The following DLG2 variants were observed in gnomAD, a reference collection of about 807,000 sequenced individuals.
The protein encoded by DLG2 is discs large MAGUK scaffold protein 2, also known as disks large homolog 2.
In DLG2, 45 loss-of-function variants were observed where a neutral mutation model predicts 132.5. The ratio of observed to expected loss-of-function variants is 0.34; its 90% confidence interval spans 0.27 to 0.44. The LOEUF (loss-of-function observed/expected upper bound fraction) is 0.44. Ranked by LOEUF, DLG2 falls within the 20% of genes least tolerant of loss-of-function variation. DLG2 has a pLI of 1.00. For synonymous variants in DLG2, 424 were observed against 419.6 expected (o/e 1.01, Z -0.13); for missense variants, 1,045 against 1,196.9 (o/e 0.87, Z 1.87).
At chr11:84,845,360 G>C (rs1011275859) in intron 6 of DLG2, among the ~76,000 whole-genome samples, 4 of 151,988 alleles carry the variant, frequency 2.6e-5, no homozygotes, top group African/African-American at 9.7e-5. Context: ...TAGGTGTTGG[G>C]GTACAACGAT....
chr11:85,535,757 CAGAT>C (rs1294930476), intron 3 of DLG2, among the ~76,000 whole-genome samples: 1 of 151,980 alleles, frequency 6.6e-6, no homozygotes, highest in Non-Finnish European at 1.5e-5. Context: ...AACTCATGAA[CAGAT>C]AAATAAAATA....
intron 14 of DLG2, among the ~76,000 whole-genome samples, chr11:83,959,760 G>C (rs2087990083): frequency 6.6e-6 from 1 of 151,974 alleles, no homozygotes; most frequent in African/African-American, 2.4e-5. Context: ...AAAACAGACA[G>C]ACCTGAATTC....
At chr11:84,187,356 A>G (rs78367847) in intron 8 of DLG2, among the ~76,000 whole-genome samples, 1 of 151,944 alleles carries the variant, frequency 6.6e-6, no homozygotes, top group East Asian at 1.9e-4. Context: ...TTTAGTTGTA[A>G]AGGCTCTTGA....
chr11:83,830,389 A>G (rs2054143336), intron 17 of DLG2, among the ~76,000 whole-genome samples: 1 of 152,162 alleles, frequency 6.6e-6, no homozygotes, highest in Admixed American at 6.5e-5. Context: ...TTTTCCTCTC[A>G]CATGTATGGA....
At chr11:83,824,721 T>C (rs2051988754) in intron 17 of DLG2, among the ~76,000 whole-genome samples, 1 of 152,174 alleles carries the variant, frequency 6.6e-6, no homozygotes, top group South Asian at 2.1e-4. Context: ...CATCCGCTAT[T>C]ATACACAGTT....
intron 4 of DLG2, among the ~76,000 whole-genome samples, chr11:85,232,065 T>C (rs1299484463): frequency 6.6e-6 from 1 of 151,872 alleles, no homozygotes; most frequent in Non-Finnish European, 1.5e-5. Flanking sequence ...CCTTAGCAGC[T>C]GTAAGAGCCA....
chr11:84,028,368 C>T (rs557964738), intron 11 of DLG2, among the ~76,000 whole-genome samples: 3 of 152,142 alleles, frequency 2.0e-5, no homozygotes, highest in South Asian at 2.1e-4. Flanking sequence ...ATTTGGCTTG[C>T]TCATGATTAA....
chr11:84,082,613 G>T (rs2096920874), intron 10 of DLG2, among the ~76,000 whole-genome samples: 1 of 152,138 alleles, frequency 6.6e-6, no homozygotes, highest in African/African-American at 2.4e-5. Context: ...TGAGATGTTG[G>T]CAGGGCTTTG....
chr11:85,098,372 G>A (rs2070269541), intron 6 of DLG2, among the ~76,000 whole-genome samples: 1 of 152,176 alleles, frequency 6.6e-6, no homozygotes, highest in Admixed American at 6.5e-5. Flanking sequence ...CACAGGGACT[G>A]GATTAGATGA....
chr11:83,514,017 T>G (rs111349060), intron 21 of DLG2, among the ~76,000 whole-genome samples: 8 of 152,162 alleles, frequency 5.3e-5, no homozygotes, highest in African/African-American at 1.9e-4. Context: ...TGCGGGCTCT[T>G]TTTTGGTTCC....
intron 17 of DLG2, among the ~76,000 whole-genome samples, chr11:83,820,247 A>AAAAAAATAACT (rs2050393302): frequency 6.6e-6 from 1 of 152,148 alleles, no homozygotes; most frequent in African/African-American, 2.4e-5. Context: ...ACTGAAAAAA[A>AAAAAAATAACT]GTATAAGAAA....
chr11:85,044,003 C>G (rs775601441), intron 6 of DLG2, among the ~76,000 whole-genome samples: 9 of 152,008 alleles, frequency 5.9e-5, no homozygotes, highest in Non-Finnish European at 1.2e-4. Flanking sequence ...TGGCCATATT[C>G]CAGGCATTCT....
intron 6 of DLG2, among the ~76,000 whole-genome samples, chr11:85,039,019 G>A (rs1022526820): frequency 2.6e-5 from 4 of 151,782 alleles, no homozygotes; most frequent in African/African-American, 7.3e-5. Context: ...TTTACATAAC[G>A]TTTTCCCCTT....
At chr11:84,054,480 C>A (rs1211587379) in intron 11 of DLG2, among the ~76,000 whole-genome samples, 2 of 151,996 alleles carry the variant, frequency 1.3e-5, no homozygotes, top group Non-Finnish European at 2.9e-5. Context: ...CATGCAGACA[C>A]CCCAGGTGCT....
chr11:83,531,922 T>C lies in DLG2; in HGVS notation c.2193+786A>G, dbSNP rs184393042. On this transcript the variant is annotated intron_variant, in intron 21 of 27. Coordinates refer to ENST00000376104, the MANE Select transcript of DLG2 (RefSeq NM_001142699.3). The stretch of plus-strand genomic sequence containing the variant: ...ACCACATGGTGTATAATTTCATTTA[T>C]ATAAAATAACCAGGATAGGCAAATC... 2.4e-4 allele frequency among the ~76,000 whole-genome samples: 34 copies of C among 139,758 alleles called. No individual in the cohort carries two copies. In the East Asian group the frequency reaches 7.6e-3, roughly 31 times the overall value. The allele number at this position is 139,758 out of a possible 152,430, so 91.7% of individuals were successfully genotyped here. A position where few individuals can be genotyped will look rare whatever the true frequency, so the allele number is the denominator to read the frequency against.
intron 6 of DLG2, among the ~76,000 whole-genome samples, chr11:84,799,313 G>A (rs889373161): frequency 6.6e-6 from 1 of 152,170 alleles, no homozygotes; most frequent in Non-Finnish European, 1.5e-5. Flanking sequence ...GCAGCACTGA[G>A]TTCAATGCAA....
intron 3 of DLG2, among the ~76,000 whole-genome samples, chr11:85,519,286 T>A (rs2094232212): frequency 6.6e-6 from 1 of 152,214 alleles, no homozygotes; most frequent in South Asian, 2.1e-4. Context: ...GGATGGAGGC[T>A]GTACCCTGAA....
At chr11:84,462,182 A>C (rs1419637484) in intron 7 of DLG2, among the ~76,000 whole-genome samples, 1 of 150,894 alleles carries the variant, frequency 6.6e-6, no homozygotes, top group Non-Finnish European at 1.5e-5. Flanking sequence ...AAGCCTTCTT[A>C]CCCATCAAAG....
chr11:84,559,190 A>G (rs1234800046), intron 6 of DLG2, among the ~76,000 whole-genome samples: 1 of 152,132 alleles, frequency 6.6e-6, no homozygotes, highest in African/African-American at 2.4e-5. Context: ...AGTACCCAAC[A>G]AAGTGCTTAT....
Sources: allele counts gnomAD v4.1 joint callset (sites outside exome capture counted in the v4.1 genomes callset), GRCh38; gene constraint gnomAD v4.1.1; transcripts MANE v1.5; gene names NCBI Gene and HGNC (gene_info 2026-07-23, HGNC 2026-07-21).